The following SPPL3 variants were observed in gnomAD, a reference collection of about 807,000 sequenced individuals.
The protein encoded by SPPL3 is signal peptide peptidase like 3.
SPPL3 carries 5 observed loss-of-function variants against 42.4 expected under a neutral mutation model. The ratio of observed to expected loss-of-function variants is 0.12; its 90% confidence interval spans 0.06 to 0.25. The LOEUF (loss-of-function observed/expected upper bound fraction) is 0.25. SPPL3 is among the 10% of genes least tolerant of loss of function. The pLI is 1.00. For synonymous variants in SPPL3, 195 were observed against 181.8 expected (o/e 1.07, Z -0.58); for missense variants, 235 against 489.0 (o/e 0.48, Z 4.90).
intron 9 of SPPL3, 42 bp from the exon 10 acceptor site, chr12:120,766,414 C>A: frequency 6.8e-7 from 1 of 1,480,286 alleles, no homozygotes. Flanking sequence ...GAGAGGGAAC[C>A]CGTGTCACCT....
intron 3 of SPPL3, among the ~76,000 whole-genome samples, chr12:120,784,815 G>A (rs2136980336): frequency 6.6e-6 from 1 of 152,128 alleles, no homozygotes; most frequent in Admixed American, 6.5e-5. Context: ...AATATTTGTT[G>A]AAGTGAACTA....
At chr12:120,902,108 A>C (rs1046899051) in intron 1 of SPPL3, among the ~76,000 whole-genome samples, 1 of 152,226 alleles carries the variant, frequency 6.6e-6, no homozygotes. Context: ...CTGAAATTGT[A>C]ATCTTGTGTT....
intron 1 of SPPL3, among the ~76,000 whole-genome samples, chr12:120,900,925 A>G (rs1416351443): frequency 7.0e-6 from 1 of 143,648 alleles, no homozygotes; most frequent in African/African-American, 2.7e-5. Flanking sequence ...CTGTCTCACA[A>G]AAAAAAAAAA....
chr12:120,800,428 G>A lies in SPPL3; in HGVS notation c.102-8871C>T, dbSNP rs185188787. ...TGAGGTAAGAAAACTGCTTGAACCCGGGAGGTGGAGGTTGCAGTGAACTGA... is the reference window on the plus strand; with the variant it reads ...TGAGGTAAGAAAACTGCTTGAACCCAGGAGGTGGAGGTTGCAGTGAACTGA... On this transcript the variant is annotated intron_variant, in intron 2 of 10. Transcript: ENST00000353487. 4.4e-4 allele frequency among the ~76,000 whole-genome samples: 67 copies of A among 152,120 alleles called. 1 individual carries two copies. Among genetic ancestry groups the A allele is most frequent in the Admixed American group, 3.4e-3 (52 of 15,286 alleles).
intron 1 of SPPL3, among the ~76,000 whole-genome samples, chr12:120,885,849 CTTTTTT>C (rs142907503): frequency 1.1e-4 from 13 of 121,590 alleles, no homozygotes; most frequent in African/African-American, 3.1e-4. Flanking sequence ...AACATTAAAA[CTTTTTT>C]TTTTTTTTTT....
At chr12:120,808,086 C>CTT (rs63135760) in intron 2 of SPPL3, among the ~76,000 whole-genome samples, 7 of 132,808 alleles carry the variant, frequency 5.3e-5, no homozygotes, top group South Asian at 2.3e-4. Context: ...AGTTTCTTTT[C>CTT]TTTTTTTTTT....
intron 1 of SPPL3, among the ~76,000 whole-genome samples, chr12:120,895,273 C>A (rs1873765772): frequency 6.6e-6 from 1 of 151,896 alleles, no homozygotes; most frequent in South Asian, 2.1e-4. Context: ...ACAAAAAATA[C>A]AAAATTAGCC....
At chr12:120,830,027 G>A (rs1592983796) in intron 1 of SPPL3, among the ~76,000 whole-genome samples, 1 of 150,092 alleles carries the variant, frequency 6.7e-6, no homozygotes, top group Admixed American at 6.6e-5. Flanking sequence ...AAATTTCACT[G>A]TTCACGAACT....
chr12:120,798,795 C>T (rs1870193256), intron 2 of SPPL3, among the ~76,000 whole-genome samples: 1 of 152,198 alleles, frequency 6.6e-6, no homozygotes, highest in Admixed American at 6.5e-5. Flanking sequence ...CTTGGGGCTA[C>T]ACAGATTGCC....
chr12:120,901,031 T>G (rs114497913), intron 1 of SPPL3, among the ~76,000 whole-genome samples: 2 of 151,788 alleles, frequency 1.3e-5, no homozygotes, highest in African/African-American at 2.4e-5. Flanking sequence ...TCAGTCTACA[T>G]AGACTACTGG....
intron 1 of SPPL3, among the ~76,000 whole-genome samples, chr12:120,894,658 A>G (rs112328889): frequency 0.016 from 2,478 of 152,182 alleles, 28 homozygotes; most frequent in South Asian, 0.067. Flanking sequence ...AAACAGATAA[A>G]CTACTGGCCA....
intron 1 of SPPL3, among the ~76,000 whole-genome samples, chr12:120,852,734 CA>C (rs1872280178): frequency 2.0e-5 from 1 of 50,382 alleles, no homozygotes; most frequent in African/African-American, 6.7e-5. Flanking sequence ...ATATAATATA[CA>C]TATAATATAT....
chr12:120,839,459 GT>G (rs1184057811), intron 1 of SPPL3, among the ~76,000 whole-genome samples: 1 of 151,790 alleles, frequency 6.6e-6, no homozygotes, highest in Non-Finnish European at 1.5e-5. Context: ...GTATACATAT[GT>G]AACTAACCTG....
In SPPL3 at chr12:120,766,263, C is replaced by A; in HGVS notation, c.1083G>T (p.Lys361Asn). The part of the protein sequence containing the change: ...LLPLLTMAYL[K>N]GDLRRMWSEP... ...ACAGGTTTATAACTGCTGCTCTCAC[C>A]TTTAAATAGGCCATCGTGAGGAGTG... The change falls in exon 10 of 11, where the codon AAG becomes AAT. Residue 361 changes from lysine (K) to asparagine (N), a missense_variant and splice_region_variant. Transcript: ENST00000353487. The A allele has an allele frequency of 6.4e-7, 1 of 1,574,340 alleles. No homozygotes were observed. The highest frequency in any genetic ancestry group is 1.9e-5 in the Admixed American group (1 of 53,100).
At position 120,780,853 on chromosome 12, in the gene SPPL3, C is replaced by A. The variant is rs143223978; in HGVS notation, c.502+1802G>T. Reference sequence around the variant, plus strand: ...GGAATCCGGGAGACGAAGGCTGCAGCGAGCCAAGATCACACCATTGCACTC... The same window carrying A: ...GGAATCCGGGAGACGAAGGCTGCAGAGAGCCAAGATCACACCATTGCACTC... On this transcript the variant is annotated intron_variant, in intron 6 of 10. Coordinates refer to ENST00000353487, the MANE Select transcript of SPPL3 (RefSeq NM_139015.5). 1.6e-4 allele frequency among the ~76,000 whole-genome samples: 25 copies of A among 151,614 alleles called. No individual in the cohort carries two copies. The East Asian group carries it at 4.9e-3, about 30-fold the overall frequency.
chr12:120,783,270 A>G (rs1342247312), intron 5 of SPPL3, among the ~76,000 whole-genome samples: 1 of 152,186 alleles, frequency 6.6e-6, no homozygotes, highest in Non-Finnish European at 1.5e-5. Flanking sequence ...TTAAGGTGTG[A>G]ACACTAGGAT....
intron 1 of SPPL3, among the ~76,000 whole-genome samples, chr12:120,872,191 T>C: frequency 6.6e-6 from 1 of 152,226 alleles, no homozygotes; most frequent in East Asian, 1.9e-4. Context: ...TTGAATCCAA[T>C]AATGCAGAAC....
At chr12:120,808,076 AGTTTC>A (rs1283253952) in intron 2 of SPPL3, among the ~76,000 whole-genome samples, 2 of 146,990 alleles carry the variant, frequency 1.4e-5, no homozygotes, top group African/African-American at 2.6e-5. Context: ...TCAGTTTCTT[AGTTTC>A]TTTTCTTTTT....
chr12:120,892,812 C>T (rs1228968405), intron 1 of SPPL3, among the ~76,000 whole-genome samples: 1 of 151,624 alleles, frequency 6.6e-6, no homozygotes, highest in South Asian at 2.1e-4. Context: ...GAAACCCCGT[C>T]TCTACTAAAA....
Sources: allele counts gnomAD v4.1 joint callset (sites outside exome capture counted in the v4.1 genomes callset), GRCh38; gene constraint gnomAD v4.1.1; transcripts MANE v1.5; gene names NCBI Gene and HGNC (gene_info 2026-07-23, HGNC 2026-07-21).